The following TBC1D12 variants were observed in gnomAD, a reference collection of about 807,000 sequenced individuals.
TBC1D12 encodes TBC1 domain family, member 12.
A neutral mutation model predicts 86.7 loss-of-function variants in TBC1D12; 56 were observed. That is an observed-to-expected ratio of 0.65 (90% CI 0.52 to 0.81). TBC1D12 has a LOEUF of 0.81. TBC1D12 is among the 30% of genes least tolerant of loss of function. TBC1D12 has a pLI of 0.00. For synonymous variants in TBC1D12, 421 were observed against 411.7 expected (o/e 1.02, Z -0.27); for missense variants, 1,023 against 1,038.8 (o/e 0.98, Z 0.21).
At chr10:94,411,666 T>C (rs1258920916) in intron 1 of TBC1D12, among the ~76,000 whole-genome samples, 1 of 152,098 alleles carries the variant, frequency 6.6e-6, no homozygotes, top group Admixed American at 6.6e-5. Flanking sequence ...GCTGGTGAAT[T>C]TGCATTTTTA....
At chr10:94,447,013 C>T (rs1787398015) in intron 2 of TBC1D12, among the ~76,000 whole-genome samples, 1 of 137,716 alleles carries the variant, frequency 7.3e-6, no homozygotes, top group Admixed American at 8.1e-5. Flanking sequence ...GTAGAGGTTG[C>T]AGTGAGCCGA....
At chr10:94,518,157 T>C (rs1047344767) in intron 9 of TBC1D12, among the ~76,000 whole-genome samples, 12 of 151,982 alleles carry the variant, frequency 7.9e-5, no homozygotes, top group Non-Finnish European at 1.8e-4. Context: ...CTGCAATTGC[T>C]GTTCTCTTTT....
At chr10:94,523,216 AAG>A (rs1273857721) in intron 11 of TBC1D12, among the ~76,000 whole-genome samples, 1 of 149,672 alleles carries the variant, frequency 6.7e-6, no homozygotes, top group African/African-American at 2.5e-5. Flanking sequence ...AAAAAAAAAA[AAG>A]AGCATAGACT....
chr10:94,514,907 CTTT>C (rs1168629833), intron 9 of TBC1D12, among the ~76,000 whole-genome samples: 1 of 127,334 alleles, frequency 7.9e-6, no homozygotes, highest in Non-Finnish European at 1.7e-5. Flanking sequence ...TTTTTTTTTT[CTTT>C]TTTTTTTTTT....
chr10:94,472,144 C>A (rs559715722), intron 2 of TBC1D12, among the ~76,000 whole-genome samples: 47 of 152,268 alleles, frequency 3.1e-4, no homozygotes, highest in African/African-American at 1.1e-3. Flanking sequence ...GTGGCCCATA[C>A]CCATAATCCT....
At chr10:94,476,707 T>C (rs955076384) in intron 3 of TBC1D12, among the ~76,000 whole-genome samples, 1 of 152,246 alleles carries the variant, frequency 6.6e-6, no homozygotes, top group African/African-American at 2.4e-5. Context: ...AAAGCGTTTA[T>C]GAAAATATCA....
chr10:94,430,145 C>T (rs1313253614), intron 1 of TBC1D12, among the ~76,000 whole-genome samples: 3 of 152,180 alleles, frequency 2.0e-5, no homozygotes, highest in Non-Finnish European at 2.9e-5. Flanking sequence ...CCTTCAGCCG[C>T]CTGAGTAGCC....
intron 9 of TBC1D12, among the ~76,000 whole-genome samples, chr10:94,521,486 C>T: frequency 6.6e-6 from 1 of 152,128 alleles, no homozygotes; most frequent in Non-Finnish European, 1.5e-5. Flanking sequence ...GGACTCCAGG[C>T]TCAACCCCCA....
chr10:94,430,944 TAGAG>T (rs1409167881), intron 1 of TBC1D12, among the ~76,000 whole-genome samples: 2 of 152,112 alleles, frequency 1.3e-5, no homozygotes, highest in East Asian at 1.9e-4. Context: ...CACAAATTAG[TAGAG>T]AGAATGGAAG....
rs1842531136 is a variant in TBC1D12, at chr10:94,535,839, G to A, written c.*2743G>A. The stretch of plus-strand genomic sequence containing the variant: ...ATTGTACAGTTTCTTTACCTTTCAA[G>A]TATAAATGTGTATATAAAATGTAAA... On this transcript the variant is annotated 3_prime_UTR_variant, in exon 13 of 13. Transcript: ENST00000225235. 1.3e-5 allele frequency: 2 copies of A among 151,860 alleles called. No individual in the cohort carries two copies. Among genetic ancestry groups the A allele is most frequent in the Admixed American group, 1.3e-4 (2 of 15,240 alleles). The allele number at this position is 151,860 out of a possible 1,614,324, so 9.4% of individuals were successfully genotyped here.
intron 3 of TBC1D12, among the ~76,000 whole-genome samples, chr10:94,485,539 T>C (rs2056146688): frequency 6.7e-6 from 1 of 148,732 alleles, no homozygotes; most frequent in South Asian, 2.1e-4. Context: ...TGGCCTGTAG[T>C]TTTCCTTTTT....
chr10:94,403,264 C>T lies in TBC1D12; in HGVS notation c.651C>T (p.Ser217=). Residue 217 remains serine, a synonymous_variant, in exon 1 of 13, where the codon AGC becomes AGT. Coordinates refer to ENST00000225235, the MANE Select transcript of TBC1D12 (RefSeq NM_015188.2). The stretch of plus-strand genomic sequence containing the variant: ...CCCAGGAGCCCGAGGGCGCGGGCAG[C>T]GACTCGGGGGACAGCCCCGCCAGCA... The part of the protein sequence containing the change: ...ADAQEPEGAG[S]DSGDSPASSC... 4 of 1,502,594 alleles carry T rather than the reference C, an allele frequency of 2.7e-6. No individual in the cohort carries two copies. The highest frequency in any genetic ancestry group is 1.3e-5 in the South Asian group (1 of 78,434). 93.1% of individuals were successfully genotyped at this position (1,502,594 alleles called of 1,614,324 possible).
In TBC1D12 at chr10:94,442,099, T is replaced by A. The variant is rs1407826733; in HGVS notation, c.1095+80T>A. ...TTCTTCTTCTTTTTTTTTTTTTTTT[T>A]AAACTAACCATATTCTATTTTTATT... On this transcript the variant is annotated intron_variant, in intron 2 of 12. Coordinates refer to ENST00000225235, the MANE Select transcript of TBC1D12 (RefSeq NM_015188.2). The A allele has an allele frequency of 6.3e-5, 47 of 745,700 alleles. 1 individual carries two copies. The highest frequency in any genetic ancestry group is 3.1e-4 in the Middle Eastern group (1 of 3,182). 46.2% of individuals were successfully genotyped at this position (745,700 alleles called of 1,614,324 possible).
chr10:94,464,956 GT>G (rs2055784721), intron 2 of TBC1D12, among the ~76,000 whole-genome samples: 1 of 152,192 alleles, frequency 6.6e-6, no homozygotes, highest in Admixed American at 6.5e-5. Flanking sequence ...GCTTTATATT[GT>G]TTTAGTAAAT....
chr10:94,441,156 GTT>G (rs993773124), intron 1 of TBC1D12, among the ~76,000 whole-genome samples: 3 of 143,272 alleles, frequency 2.1e-5, no homozygotes, highest in African/African-American at 7.6e-5. Flanking sequence ...CCTGGGTTTT[GTT>G]TTTTTTTTTC....
chr10:94,474,035 T>C (rs2055950228), intron 2 of TBC1D12, among the ~76,000 whole-genome samples: 1 of 152,128 alleles, frequency 6.6e-6, no homozygotes, highest in Non-Finnish European at 1.5e-5. Context: ...TAGATTGAAA[T>C]CCAAAACTAT....
At chr10:94,470,701 T>TC (rs1327978826) in intron 2 of TBC1D12, among the ~76,000 whole-genome samples, 2 of 151,090 alleles carry the variant, frequency 1.3e-5, no homozygotes, top group Non-Finnish European at 2.9e-5. Context: ...TTTTTTTTTT[T>TC]TTTTTTTTTA....
chr10:94,471,028 C>A (rs985502867), intron 2 of TBC1D12, among the ~76,000 whole-genome samples: 3 of 152,116 alleles, frequency 2.0e-5, no homozygotes, highest in African/African-American at 7.2e-5. Flanking sequence ...GCAGTCCCAG[C>A]ACTTTGGGAG....
At chr10:94,496,462 A>G (rs2056322684) in intron 4 of TBC1D12, among the ~76,000 whole-genome samples, 1 of 152,204 alleles carries the variant, frequency 6.6e-6, no homozygotes, top group Non-Finnish European at 1.5e-5. Flanking sequence ...TAATAATGCT[A>G]CTGACAAAAT....
Sources: gnomAD v4.1 joint callset for allele counts (sites outside exome capture counted in the v4.1 genomes callset) on GRCh38, gnomAD v4.1.1 for gene constraint, MANE v1.5 for transcripts, NCBI Gene and HGNC (gene_info 2026-07-23, HGNC 2026-07-21) for gene names.